RNASE10: variants seen among roughly 807,000 people sequenced by gnomAD.
The protein encoded by RNASE10 is ribonuclease A family member 10 (inactive), also known as inactive ribonuclease-like protein 10.
RNASE10 carries 2 observed loss-of-function variants against 1.1 expected under a neutral mutation model. That is an observed-to-expected ratio of 1.82 (90% CI 0.74 to 5.73). RNASE10 has a LOEUF of 5.73. RNASE10 is among the 30% of genes most tolerant of loss of function. The pLI is 0.05. For synonymous variants in RNASE10, 97 were observed against 96.2 expected, an observed-to-expected ratio of 1.01 and a Z score of -0.05; for missense variants, 276 against 263.4, an observed-to-expected ratio of 1.05 and a Z score of -0.33.
chr14:20,513,295 C>T (rs537649100), downstream of RNASE10, among the ~76,000 whole-genome samples: 6 of 152,212 alleles, frequency 3.9e-5, no homozygotes, highest in South Asian at 4.1e-4. Context: ...ACTCCACAGG[C>T]GCCTAGTGGC....
chr14:20,512,992 A>G (rs1374556652), downstream of RNASE10, among the ~76,000 whole-genome samples: 3 of 152,192 alleles, frequency 2.0e-5, no homozygotes, highest in Non-Finnish European at 4.4e-5. Context: ...TTTAGGAATG[A>G]AATGTGAAAG....
chr14:20,510,044 G>A (rs532471564), intron 1 of RNASE10, among the ~76,000 whole-genome samples: 60 of 151,356 alleles, frequency 4.0e-4, no homozygotes, highest in African/African-American at 1.4e-3. Context: ...ACTTGACCCT[G>A]GGAGATTGAG....
chr14:20,504,625 T>C (rs1025751841), upstream of RNASE10, among the ~76,000 whole-genome samples: 2 of 141,780 alleles, frequency 1.4e-5, no homozygotes, highest in African/African-American at 5.4e-5. Flanking sequence ...GAGGCGGAGC[T>C]TGCAGTGAGC....
chr14:20,507,094 GGA>G (rs1882760756), intron 1 of RNASE10, among the ~76,000 whole-genome samples: 1 of 147,540 alleles, frequency 6.8e-6, no homozygotes, highest in Non-Finnish European at 1.5e-5. Context: ...TGCCCGGCCA[GGA>G]CCCCGTCTGG....
At chr14:20,507,451 T>C (rs377756862) in intron 1 of RNASE10, among the ~76,000 whole-genome samples, 8,679 of 132,516 alleles carry the variant, frequency 0.065, 127 homozygotes, top group Non-Finnish European at 0.097. Flanking sequence ...TCCCTAATCT[T>C]AAGTACCCAG....
At position 20,510,996 on chromosome 14, in the gene RNASE10, G is replaced by A. The variant is rs777019138; in HGVS notation, c.609G>A (p.Leu203=). Residue 203 remains leucine (L), a synonymous_variant, in exon 2 of 2, where the codon TTG becomes TTA. Coordinates refer to ENST00000430083, the Ensembl canonical transcript of RNASE10. ...ACAAAAGCTCCCGACCTTTTGATTT[G>A]ACATTGTGCGAGCTGTCCCAACCAG... is the stretch of plus-strand genomic sequence containing the variant. 2.6e-5 allele frequency: 42 copies of A among 1,599,090 alleles called. 1 individual carries two copies. The South Asian group carries it at 4.7e-4, about 18-fold the overall frequency.
chr14:20,506,662 A>G (rs1594439756), intron 1 of RNASE10, among the ~76,000 whole-genome samples: 5 of 71,314 alleles, frequency 7.0e-5, no homozygotes, highest in Non-Finnish European at 7.8e-5. Flanking sequence ...TCCAGGAGGG[A>G]GGTGGGGGGT....
chr14:20,511,156 C>A, downstream of RNASE10: 1 of 1,398,030 alleles, frequency 7.2e-7, no homozygotes. Flanking sequence ...TTCACCTTCT[C>A]CTGTTCCTCT....
At chr14:20,507,130 G>T (rs1303791066) in intron 1 of RNASE10, among the ~76,000 whole-genome samples, 1 of 148,752 alleles carries the variant, frequency 6.7e-6, no homozygotes, top group Non-Finnish European at 1.5e-5. Context: ...CGGCTCATTG[G>T]GGATGGGCCA....
intron 1 of RNASE10, among the ~76,000 whole-genome samples, chr14:20,507,725 C>CTTATTTATTTAT (rs71112513): frequency 8.8e-4 from 128 of 146,238 alleles, no homozygotes; most frequent in Admixed American, 5.3e-3. Flanking sequence ...TTAAACTTCC[C>CTTATTTATTTAT]TTATTTATTT....
intron 1 of RNASE10, among the ~76,000 whole-genome samples, chr14:20,508,931 G>C (rs368787481): frequency 6.6e-6 from 1 of 152,106 alleles, no homozygotes. Context: ...ATCTACTACA[G>C]AGATCATACT....
At chr14:20,508,471 C>A (rs1882809005) in intron 1 of RNASE10, among the ~76,000 whole-genome samples, 1 of 152,198 alleles carries the variant, frequency 6.6e-6, no homozygotes, top group African/African-American at 2.4e-5. Flanking sequence ...AGACACCACC[C>A]ACCCATTAGC....
intron 1 of RNASE10, among the ~76,000 whole-genome samples, chr14:20,508,782 ATATATATTACTAATT>A (rs969840175): frequency 6.6e-6 from 1 of 152,058 alleles, no homozygotes; most frequent in Non-Finnish European, 1.5e-5. Context: ...GTTGTTGTTA[ATATATATTACTAATT>A]TATAAATTAA....
At chr14:20,508,222 CAG>C (rs1203605752) in intron 1 of RNASE10, among the ~76,000 whole-genome samples, 3 of 152,180 alleles carry the variant, frequency 2.0e-5, no homozygotes, top group African/African-American at 7.2e-5. Context: ...CTTAAACAAT[CAG>C]GGTACAGTTT....
Position 20,506,934 on chromosome 14 carries a change from G to T in RNASE10, c.79+915G>T, listed in dbSNP as rs547463631. On this transcript the variant is annotated intron_variant, in intron 1 of 1. Coordinates refer to ENST00000430083, the Ensembl canonical transcript of RNASE10. The stretch of plus-strand genomic sequence containing the variant: ...CCTGGCCAGCCGCCCCGTCCGGGAG[G>T]GGGGAGGGGGGGTCAGCCCCCCGCC... Among the ~76,000 whole-genome samples the T allele has an allele frequency of 2.1e-3, 300 of 140,010 alleles. 2 individuals carry two copies. Among genetic ancestry groups the T allele is most frequent in the African/African-American group, 6.9e-3 (241 of 34,964 alleles). 91.9% of individuals were successfully genotyped at this position (140,010 alleles called of 152,430 possible). A position where few individuals can be genotyped will look rare whatever the true frequency, so the allele number is the denominator to read the frequency against.
At chr14:20,511,852 G>T (rs1882907496), downstream of RNASE10, among the ~76,000 whole-genome samples, 1 of 151,602 alleles carries the variant, frequency 6.6e-6, no homozygotes, top group South Asian at 2.1e-4. Context: ...TACTTTCTCT[G>T]TTCTCCTTTT....
upstream of RNASE10, among the ~76,000 whole-genome samples, chr14:20,505,260 TGCTCCCTCTCCCTCTCCC>T (rs1566535797): frequency 3.8e-4 from 29 of 75,636 alleles, no homozygotes; most frequent in South Asian, 1.0e-3. Context: ...AAAGTGAGTT[TGCTCCCTCTCCCTCTCCC>T]TCTCCCTCTC....
downstream of RNASE10, among the ~76,000 whole-genome samples, chr14:20,512,008 A>T (rs1018758365): frequency 6.6e-6 from 1 of 152,084 alleles, no homozygotes; most frequent in Non-Finnish European, 1.5e-5. Context: ...AGTCTGGCAC[A>T]GGGAGTTAGA....
At chr14:20,506,847 G>T (rs1255993737) in intron 1 of RNASE10, among the ~76,000 whole-genome samples, 11 of 72,838 alleles carry the variant, frequency 1.5e-4, no homozygotes, top group South Asian at 5.2e-4. Flanking sequence ...CAGCCGCCCC[G>T]TCCGGGAGGT....
Sources: allele counts gnomAD v4.1 joint callset (sites outside exome capture counted in the v4.1 genomes callset), GRCh38; gene constraint gnomAD v4.1.1; transcripts MANE v1.5; gene names NCBI Gene and HGNC (gene_info 2026-07-23, HGNC 2026-07-21).